Variants in ARMC8 observed in about 807,000 individuals in gnomAD.
The protein encoded by ARMC8 is armadillo repeat containing 8.
ARMC8 carries 20 observed loss-of-function variants against 99.3 expected under a neutral mutation model. The observed-to-expected ratio is 0.20, with a 90% confidence interval of 0.14 to 0.29. The LOEUF (loss-of-function observed/expected upper bound fraction) is 0.29. Among genes scored for constraint, ARMC8 ranks in the 10% least tolerant of loss-of-function variants. The pLI, the probability that ARMC8 is intolerant of heterozygous loss-of-function variation, is 1.00. For synonymous variants in ARMC8, 263 were observed against 278.3 expected (o/e 0.95, Z 0.55); for missense variants, 569 against 809.5 (o/e 0.70, Z 3.60).
intron 6 of ARMC8, among the ~76,000 whole-genome samples, chr3:138,230,647 C>A (rs1210399926): frequency 6.6e-6 from 1 of 152,064 alleles, no homozygotes; most frequent in Non-Finnish European, 1.5e-5. Flanking sequence ...GAACGAGACC[C>A]TGTCTCAAAA....
At chr3:138,259,852 T>C (rs2047597685) in intron 12 of ARMC8, among the ~76,000 whole-genome samples, 1 of 152,204 alleles carries the variant, frequency 6.6e-6, no homozygotes, top group Non-Finnish European at 1.5e-5. Flanking sequence ...CTAATGTTTT[T>C]CCACTGTCCT....
intron 1 of ARMC8, among the ~76,000 whole-genome samples, chr3:138,205,875 A>G (rs997082378): frequency 6.6e-6 from 1 of 152,238 alleles, no homozygotes; most frequent in Non-Finnish European, 1.5e-5. Flanking sequence ...CCATAAAAAT[A>G]AAAATCCTAA....
At chr3:138,242,363 A>G (rs188493850) in intron 11 of ARMC8, among the ~76,000 whole-genome samples, 19 of 152,278 alleles carry the variant, frequency 1.2e-4, no homozygotes, top group African/African-American at 3.9e-4. Context: ...ACAGGAGACT[A>G]AGTTGTCCCA....
intron 12 of ARMC8, chr3:138,246,143 A>C: frequency 6.1e-6 from 6 of 985,664 alleles, no homozygotes; most frequent in Non-Finnish European, 7.2e-6. Flanking sequence ...ACAACCTTAC[A>C]TTTGTTGAAA....
intron 2 of ARMC8, 23 bp from the exon 3 acceptor site, chr3:138,221,903 A>G (rs771633462): frequency 1.3e-6 from 2 of 1,583,048 alleles, no homozygotes; most frequent in Admixed American, 1.7e-5. Flanking sequence ...AACATACTTT[A>G]TTTTTTCTTC....
Position 138,296,196 on chromosome 3 carries a change from T to C in ARMC8, c.*304T>C. ...AATTTTTGCCTATGCTGCAGCCACT[T>C]TGTGAGTGAGAATGAATATGTCTGT... On this transcript the variant is annotated 3_prime_UTR_variant, in exon 22 of 22. Coordinates refer to ENST00000469044, the MANE Select transcript of ARMC8 (RefSeq NM_001363941.2). The C allele has an allele frequency of 3.3e-6, 1 of 299,994 alleles. No individual in the cohort carries two copies. The highest frequency in any genetic ancestry group is 5.1e-5 in the South Asian group (1 of 19,728). The allele number at this position is 299,994 out of a possible 1,614,324, so 18.6% of individuals were successfully genotyped here.
intron 1 of ARMC8, among the ~76,000 whole-genome samples, chr3:138,191,386 A>G (rs942635817): frequency 1.6e-4 from 24 of 152,240 alleles, no homozygotes; most frequent in African/African-American, 5.8e-4. Context: ...ATTTTGAAAT[A>G]ATTATAGATT....
At chr3:138,248,635 C>G (rs1372771978) in intron 12 of ARMC8, among the ~76,000 whole-genome samples, 1 of 152,168 alleles carries the variant, frequency 6.6e-6, no homozygotes, top group Non-Finnish European at 1.5e-5. Flanking sequence ...ATAGATTCTT[C>G]TATGACAAAT....
chr3:138,221,832 C>A, intron 2 of ARMC8, 94 bp from the exon 3 acceptor site: 1 of 990,858 alleles, frequency 1.0e-6, no homozygotes, highest in Admixed American at 2.0e-5. Context: ...TTTACTTTGT[C>A]AAATCTAAGA....
At chr3:138,216,067 T>TA (rs2045018813) in intron 2 of ARMC8, among the ~76,000 whole-genome samples, 3 of 149,576 alleles carry the variant, frequency 2.0e-5, no homozygotes, top group African/African-American at 7.4e-5. Flanking sequence ...TTTTTTTTTT[T>TA]AAGTAGAGAT....
Position 138,212,245 on chromosome 3 carries a change from A to G in ARMC8, c.122+2352A>G, listed in dbSNP as rs1420364395. On this transcript the variant is annotated intron_variant, in intron 2 of 21. Transcript: ENST00000469044. Reference sequence around the variant, plus strand: ...TAAACTTTGTTACTGTCTGAAAATTAATTGTACATGGTCAAGAGAATGAAA... The same window carrying G: ...TAAACTTTGTTACTGTCTGAAAATTGATTGTACATGGTCAAGAGAATGAAA... 2.6e-5 allele frequency among the ~76,000 whole-genome samples: 4 copies of G among 152,022 alleles called. No individual in the cohort carries two copies. The East Asian group carries it at 7.7e-4, about 29-fold the overall frequency.
intron 2 of ARMC8, among the ~76,000 whole-genome samples, chr3:138,212,157 G>C (rs780178473): frequency 1.3e-5 from 2 of 152,020 alleles, no homozygotes; most frequent in Non-Finnish European, 2.9e-5. Context: ...AGATAGTGTA[G>C]TGTGATTTGA....
At chr3:138,256,485 A>T (rs1576789225) in intron 12 of ARMC8, among the ~76,000 whole-genome samples, 1 of 131,488 alleles carries the variant, frequency 7.6e-6, no homozygotes, top group South Asian at 2.2e-4. Flanking sequence ...ATCTCGGCTC[A>T]CTGCAAGCTC....
intron 1 of ARMC8, among the ~76,000 whole-genome samples, chr3:138,192,093 A>C (rs2107944888): frequency 6.6e-6 from 1 of 152,140 alleles, no homozygotes; most frequent in East Asian, 1.9e-4. Flanking sequence ...TGGCTGTACT[A>C]TTTTACATTT....
chr3:138,239,902 A>G (rs2046525316), intron 10 of ARMC8, among the ~76,000 whole-genome samples: 1 of 152,198 alleles, frequency 6.6e-6, no homozygotes, highest in Non-Finnish European at 1.5e-5. Flanking sequence ...TTGCAGAAAA[A>G]GACTTTATAT....
chr3:138,295,932 T>TAAACAAGGAG lies in ARMC8; in HGVS notation c.*40_*41insAAACAAGGAG. 6.2e-7 allele frequency: 1 copy of TAAACAAGGAG among 1,608,324 alleles called. No individual in the cohort carries two copies. Among genetic ancestry groups the TAAACAAGGAG allele is most frequent in the Non-Finnish European group, 8.5e-7 (1 of 1,176,486 alleles). On this transcript the variant is annotated 3_prime_UTR_variant, in exon 22 of 22. Transcript: ENST00000469044. Reference sequence around the variant, plus strand: ...GGCACCTGCGAGCATCCCACCTCCTTGTTTAAGGAAGTACAGGAACCAGCC... The same window carrying TAAACAAGGAG: ...GGCACCTGCGAGCATCCCACCTCCTTAAACAAGGAGGTTTAAGGAAGTACAGGAACCAGCC...
chr3:138,201,622 C>T (rs932016369), intron 1 of ARMC8, among the ~76,000 whole-genome samples: 22 of 151,726 alleles, frequency 1.4e-4, no homozygotes, highest in Non-Finnish European at 1.5e-4. Flanking sequence ...CCACCACACC[C>T]GGCTAATTTT....
intron 12 of ARMC8, among the ~76,000 whole-genome samples, chr3:138,253,971 T>C (rs1348391049): frequency 1.3e-5 from 2 of 152,208 alleles, no homozygotes; most frequent in African/African-American, 2.4e-5. Flanking sequence ...ATAAAGAAGT[T>C]TATTTGGAAG....
Position 138,188,131 on chromosome 3 carries a change from T to C in ARMC8, c.45+532T>C, listed in dbSNP as rs1036637142. On this transcript the variant is annotated intron_variant, in intron 1 of 21. Coordinates refer to ENST00000469044, the MANE Select transcript of ARMC8 (RefSeq NM_001363941.2). ...AGCACCTGGGCACCGGCTGAAGCAG[T>C]TTGCTTTTTGGCAATGGTGATTCGT... 10 of 239,400 alleles carry C rather than the reference T, an allele frequency of 4.2e-5. No individual in the cohort carries two copies. The Admixed American group carries it at 5.0e-4, about 12-fold the overall frequency. 14.8% of individuals were successfully genotyped at this position (239,400 alleles called of 1,614,324 possible).
Sources: allele counts gnomAD v4.1 joint callset (sites outside exome capture counted in the v4.1 genomes callset), GRCh38; gene constraint gnomAD v4.1.1; transcripts MANE v1.5; gene names NCBI Gene and HGNC (gene_info 2026-07-23, HGNC 2026-07-21).